Variants in AGTPBP1 observed in about 807,000 individuals in gnomAD.
AGTPBP1 encodes cytosolic carboxypeptidase 1.
In AGTPBP1, 70 loss-of-function variants were observed where a neutral mutation model predicts 143.9. The observed-to-expected ratio is 0.49, with a 90% CI of 0.40 to 0.59. The LOEUF (loss-of-function observed/expected upper bound fraction) is 0.59, where lower values mean the gene tolerates loss of function less well. Among genes scored for constraint, AGTPBP1 ranks in the 20% least tolerant of loss-of-function variants. The pLI is 0.00. For missense variants in AGTPBP1, 1,229 were observed against 1,464.5 expected (o/e 0.84, Z 2.62); for synonymous variants, 463 against 500.2 (o/e 0.93, Z 0.99).
At chr9:85,795,339 T>C in the AGTPBP1 span, among the ~76,000 whole-genome samples, 1 of 152,216 alleles carries the variant, frequency 6.6e-6, no homozygotes, top group African/African-American at 2.4e-5. Context: ...AGATTAATTA[T>C]AATGCTGACT....
At chr9:85,794,308 G>A in the AGTPBP1 span, among the ~76,000 whole-genome samples, 1 of 152,082 alleles carries the variant, frequency 6.6e-6, no homozygotes, top group Non-Finnish European at 1.5e-5. Context: ...TTACATTTGG[G>A]TCTTTGATCA....
chr9:85,683,369 GC>G (rs1835306834), intron 3 of AGTPBP1, among the ~76,000 whole-genome samples: 1 of 151,824 alleles, frequency 6.6e-6, no homozygotes, highest in African/African-American at 2.4e-5. Flanking sequence ...TATTTTAAAG[GC>G]CCCTGATTTA....
At chr9:85,576,425 T>C (rs1185782933) in intron 24 of AGTPBP1, among the ~76,000 whole-genome samples, 1 of 152,184 alleles carries the variant, frequency 6.6e-6, no homozygotes, top group African/African-American at 2.4e-5. Context: ...GCACATGACT[T>C]TACAGTTATT....
At position 85,736,149 on chromosome 9, in the gene AGTPBP1, G is replaced by A. The variant is rs555684984; in HGVS notation, c.-34+5626C>T. Among the ~76,000 whole-genome samples the A allele has an allele frequency of 4.6e-5, 7 of 152,202 alleles. No homozygotes were observed. In the East Asian group the frequency reaches 1.2e-3, roughly 25 times the overall value. On this transcript the variant is annotated intron_variant, in intron 1 of 25. Coordinates refer to ENST00000357081, the MANE Select transcript of AGTPBP1 (RefSeq NM_001330701.2). ...TAAATTTGAACATTTATATAGAAAT[G>A]TACTACCGGGTCTGATTTTTGTTTT... is the stretch of plus-strand genomic sequence containing the variant.
intron 14 of AGTPBP1, among the ~76,000 whole-genome samples, chr9:85,631,222 G>C (rs960174128): frequency 2.6e-5 from 4 of 152,216 alleles, no homozygotes; most frequent in African/African-American, 9.6e-5. Context: ...CCCAGAGGTG[G>C]AGGGACAGAA....
chr9:85,550,861 C>T (rs1055284865), intron 25 of AGTPBP1, among the ~76,000 whole-genome samples: 8 of 152,180 alleles, frequency 5.3e-5, no homozygotes, highest in Non-Finnish European at 1.2e-4. Flanking sequence ...TTCACCAGCA[C>T]TGTTTCCTCT....
chr9:85,659,732 TAA>T (rs1030577916), intron 9 of AGTPBP1, among the ~76,000 whole-genome samples: 2 of 152,164 alleles, frequency 1.3e-5, no homozygotes, highest in Non-Finnish European at 2.9e-5. Context: ...TAAGCTTTAA[TAA>T]AAGTTTAGTT....
chr9:85,581,236 T>C (rs896888027), intron 23 of AGTPBP1, among the ~76,000 whole-genome samples: 5 of 152,120 alleles, frequency 3.3e-5, no homozygotes, highest in African/African-American at 1.2e-4. Flanking sequence ...GGCATAACCA[T>C]AGGAAGAGAG....
At chr9:85,698,091 C>CT (rs370115913) in intron 2 of AGTPBP1, among the ~76,000 whole-genome samples, 2,618 of 148,332 alleles carry the variant, frequency 0.018, 36 homozygotes, top group Middle Eastern at 0.041. Context: ...AAAAGGTCAT[C>CT]TTTTTTTTTT....
intron 6 of AGTPBP1, among the ~76,000 whole-genome samples, chr9:85,673,318 T>C (rs1834610380): frequency 6.6e-6 from 1 of 152,022 alleles, no homozygotes; most frequent in Non-Finnish European, 1.5e-5. Flanking sequence ...ACTACACATA[T>C]ACATTTGTCT....
At chr9:85,705,113 A>C (rs1286243497) in intron 2 of AGTPBP1, among the ~76,000 whole-genome samples, 2 of 152,028 alleles carry the variant, frequency 1.3e-5, no homozygotes, top group Non-Finnish European at 2.9e-5. Context: ...GACAAGAGAG[A>C]GAGAAAAGAA....
chr9:85,680,715 G>GAATTCAT (rs1835116275), intron 4 of AGTPBP1, among the ~76,000 whole-genome samples: 1 of 152,088 alleles, frequency 6.6e-6, no homozygotes, highest in African/African-American at 2.4e-5. Flanking sequence ...TGAAGAACAT[G>GAATTCAT]AATTCATTTC....
intron 1 of AGTPBP1, among the ~76,000 whole-genome samples, chr9:85,730,450 T>C (rs1177675126): frequency 2.0e-5 from 3 of 152,260 alleles, no homozygotes; most frequent in Admixed American, 2.0e-4. Context: ...TTCACTTGGC[T>C]CCAGTAGGCA....
intron 2 of AGTPBP1, among the ~76,000 whole-genome samples, chr9:85,708,148 GT>G (rs1837135407): frequency 6.6e-6 from 1 of 152,158 alleles, no homozygotes; most frequent in African/African-American, 2.4e-5. Context: ...GCCTTTTCCA[GT>G]TTCTAGAGGT....
At chr9:85,630,889 G>C (rs1831632347) in intron 14 of AGTPBP1, among the ~76,000 whole-genome samples, 2 of 152,120 alleles carry the variant, frequency 1.3e-5, no homozygotes, top group African/African-American at 4.8e-5. Context: ...GTGAGCCCCT[G>C]GTAATCATTC....
chr9:85,719,565 G>A (rs1250490482), intron 1 of AGTPBP1, among the ~76,000 whole-genome samples: 1 of 152,206 alleles, frequency 6.6e-6, no homozygotes, highest in Non-Finnish European at 1.5e-5. Context: ...TAGGGGCTCA[G>A]ACAATGGGGT....
the AGTPBP1 span, among the ~76,000 whole-genome samples, chr9:85,752,124 C>T: frequency 9.9e-5 from 15 of 152,028 alleles, no homozygotes; most frequent in African/African-American, 3.1e-4. Flanking sequence ...ATAATACCAG[C>T]TACTCAGGAG....
rs145337179 is a variant in AGTPBP1 at position 85,692,805 on chromosome 9, T to C, written c.41A>G (p.Asn14Ser). ...CAGGAGTCCTACGATCCTAGAATTA[T>C]TGGTAAGGCTAAAAAGAACGTAGAA... ...LKVIPEKSLT[N>S]NSRIVGLLAQ... The change falls in exon 3 of 26, where the codon AAT (asparagine) becomes AGT (serine). Residue 14 changes from asparagine (N) to serine (S), a missense_variant. This residue lies in a region of AGTPBP1 where 743 missense variants were observed against 812.2 expected (regional missense o/e 0.91). Coordinates refer to ENST00000357081, the MANE Select transcript of AGTPBP1 (RefSeq NM_001330701.2). 2,296 of 1,613,468 alleles carry C rather than the reference T, an allele frequency of 1.4e-3. 2 individuals carry two copies. The highest frequency in any genetic ancestry group is 1.8e-3 in the Non-Finnish European group (2,124 of 1,179,752).
At chr9:85,766,790 G>A in the AGTPBP1 span, among the ~76,000 whole-genome samples, 3 of 152,318 alleles carry the variant, frequency 2.0e-5, no homozygotes, top group Middle Eastern at 3.4e-3. Flanking sequence ...AGATGATCGA[G>A]AACATGAGAT....
Sources: gnomAD v4.1 joint callset for allele counts (sites outside exome capture counted in the v4.1 genomes callset) on GRCh38, gnomAD v4.1.1 for gene constraint, gnomAD v4.1.1 regional missense constraint, MANE v1.5 for transcripts, NCBI Gene and HGNC (gene_info 2026-07-23, HGNC 2026-07-21) for gene names.